Variants in QPCT observed in about 807,000 individuals in gnomAD.
The protein encoded by QPCT is EC.
In QPCT, 44 loss-of-function variants were observed where a neutral mutation model predicts 43.4. That is an observed-to-expected ratio of 1.01 (90% CI 0.80 to 1.30). The LOEUF is 1.30. Ranked by LOEUF, QPCT falls within the 50% of genes most tolerant of loss-of-function variation. QPCT has a pLI of 0.00. For synonymous variants in QPCT, 168 were observed against 168.4 expected, an observed-to-expected ratio of 1.00 and a Z score of 0.02; for missense variants, 526 against 436.5, an observed-to-expected ratio of 1.21 and a Z score of -1.83.
chr2:37,352,104 AAG>A, intron 1 of QPCT, among the ~76,000 whole-genome samples: 1 of 152,224 alleles, frequency 6.6e-6, no homozygotes, highest in South Asian at 2.1e-4. Flanking sequence ...AAAAGTGAAA[AAG>A]GGGTAAAATT....
chr2:37,367,583 T>C (rs1672987428), intron 4 of QPCT, among the ~76,000 whole-genome samples, 175 bp downstream of exon 4: 1 of 152,206 alleles, frequency 6.6e-6, no homozygotes, highest in Admixed American at 6.5e-5. Context: ...CTAAAAAGAA[T>C]GATTCTGAGC....
chr2:37,362,099 T>A (rs1672866901), intron 3 of QPCT, among the ~76,000 whole-genome samples: 1 of 152,250 alleles, frequency 6.6e-6, no homozygotes, highest in Non-Finnish European at 1.5e-5. Context: ...AGCAAATCGT[T>A]GTACTGATCA....
chr2:37,352,704 T>A, intron 1 of QPCT, 85 bp from the exon 2 acceptor site: 1 of 1,495,454 alleles, frequency 6.7e-7, no homozygotes, highest in Non-Finnish European at 9.2e-7. Flanking sequence ...TATTTTGAAG[T>A]TTTAAGCAAT....
chr2:37,372,808 T>C lies in QPCT; in HGVS notation c.1067T>C (p.Leu356Ser). Residue 356 changes from leucine to serine, a missense_variant, in exon 7 of 7, where the codon TTG becomes TCG. Leu to Ser is a moderately radical substitution (Grantham distance 145, BLOSUM62 -2). Coordinates refer to ENST00000338415, the MANE Select transcript of QPCT (RefSeq NM_012413.4). ...AACAAAATCCTACAAGTCTTTGTGTTGGAATATCTTCATTTGTAATACTCT... is the reference window on the plus strand; with the variant it reads ...AACAAAATCCTACAAGTCTTTGTGTCGGAATATCTTCATTTGTAATACTCT... ...NLNKILQVFV[L>S]EYLHL 4 of 1,610,738 alleles carry C rather than the reference T, an allele frequency of 2.5e-6. No homozygotes were observed. The highest frequency in any genetic ancestry group is 3.4e-6 in the Non-Finnish European group (4 of 1,178,116).
At chr2:37,360,176 A>T (rs559749366) in intron 3 of QPCT, 11 of 312,522 alleles carry the variant, frequency 3.5e-5, no homozygotes, top group Non-Finnish European at 6.0e-5. Context: ...ATTGTGTTTT[A>T]TAATGAACTA....
At chr2:37,353,824 CT>C (rs1218958681) in intron 2 of QPCT, among the ~76,000 whole-genome samples, 5 of 152,250 alleles carry the variant, frequency 3.3e-5, no homozygotes, top group African/African-American at 1.2e-4. Flanking sequence ...GCACCCACTG[CT>C]GTGCCTAGAT....
At chr2:37,345,065 A>AG (rs1672453436) in intron 1 of QPCT, among the ~76,000 whole-genome samples, 1 of 152,108 alleles carries the variant, frequency 6.6e-6, no homozygotes, top group Non-Finnish European at 1.5e-5. Flanking sequence ...TGGAGACGCC[A>AG]GGGGGGCTGG....
intron 1 of QPCT, among the ~76,000 whole-genome samples, chr2:37,350,428 G>A (rs1672596377): frequency 6.6e-6 from 1 of 152,196 alleles, no homozygotes; most frequent in African/African-American, 2.4e-5. Context: ...TGAGGACTTA[G>A]ATCCTGGAGG....
chr2:37,353,648 T>G (rs1672670761), intron 2 of QPCT, among the ~76,000 whole-genome samples: 1 of 152,196 alleles, frequency 6.6e-6, no homozygotes, highest in South Asian at 2.1e-4. Context: ...GGGCCAGACC[T>G]TGAATGCCTC....
chr2:37,368,055 G>C (rs1238246700), intron 4 of QPCT, among the ~76,000 whole-genome samples: 1 of 152,118 alleles, frequency 6.6e-6, no homozygotes, highest in East Asian at 1.9e-4. Context: ...GCCTTTATAA[G>C]TCTGAAGAAC....
chr2:37,359,883 C>T, intron 3 of QPCT, 25 bp downstream of exon 3: 1 of 1,605,186 alleles, frequency 6.2e-7, no homozygotes, highest in Non-Finnish European at 8.5e-7. Flanking sequence ...CTTATTGATT[C>T]CTAGGATAAA....
intron 3 of QPCT, among the ~76,000 whole-genome samples, chr2:37,365,446 C>T (rs1013119026): frequency 6.6e-6 from 1 of 152,160 alleles, no homozygotes; most frequent in African/African-American, 2.4e-5. Context: ...GGAGATAAAA[C>T]CCAACTGGGC....
intron 1 of QPCT, among the ~76,000 whole-genome samples, chr2:37,345,815 G>A (rs558117851): frequency 1.3e-4 from 18 of 133,764 alleles, no homozygotes; most frequent in Admixed American, 9.6e-4. Flanking sequence ...CAACCTGGGC[G>A]ACACAGCGAG....
chr2:37,367,990 G>A (rs992633002), intron 4 of QPCT, among the ~76,000 whole-genome samples: 2 of 152,186 alleles, frequency 1.3e-5, no homozygotes, highest in African/African-American at 2.4e-5. Flanking sequence ...GGCCCAATGG[G>A]AGCACATTCC....
intron 1 of QPCT, 100 bp downstream of exon 1, chr2:37,344,951 C>A (rs927064022): frequency 1.0e-5 from 15 of 1,435,556 alleles, no homozygotes; most frequent in Admixed American, 5.4e-5. Flanking sequence ...GGAGGCGGGG[C>A]AGGGCCACGG....
At chr2:37,360,653 T>C (rs1672842641) in intron 3 of QPCT, among the ~76,000 whole-genome samples, 1 of 152,176 alleles carries the variant, frequency 6.6e-6, no homozygotes, top group African/African-American at 2.4e-5. Context: ...AAGTAAAAAG[T>C]TTATCTTGTA....
At chr2:37,369,108 A>G (rs1432097355) in intron 4 of QPCT, among the ~76,000 whole-genome samples, 2 of 152,206 alleles carry the variant, frequency 1.3e-5, no homozygotes, top group Non-Finnish European at 2.9e-5. Flanking sequence ...TCGTGATGAG[A>G]TGAAAGAGAG....
intron 5 of QPCT, among the ~76,000 whole-genome samples, chr2:37,371,758 G>T (rs1673078464): frequency 6.6e-6 from 1 of 152,146 alleles, no homozygotes; most frequent in Admixed American, 6.5e-5. Flanking sequence ...CACACAGATT[G>T]CTGGACTCCA....
intron 1 of QPCT, among the ~76,000 whole-genome samples, chr2:37,345,469 G>A (rs1326383580): frequency 6.6e-6 from 1 of 152,206 alleles, no homozygotes; most frequent in East Asian, 1.9e-4. Context: ...AGAGAAAATG[G>A]ATCTAGTTGT....
Sources: gnomAD v4.1 joint callset for allele counts (sites outside exome capture counted in the v4.1 genomes callset) on GRCh38, gnomAD v4.1.1 for gene constraint, MANE v1.5 for transcripts, NCBI Gene and HGNC (gene_info 2026-07-23, HGNC 2026-07-21) for gene names.